Variants in CELF2 observed in about 807,000 individuals in gnomAD.
CELF2 encodes CUG triplet repeat RNA-binding protein 2.
CELF2 carries 8 observed loss-of-function variants against 62.6 expected under a neutral mutation model. The ratio of observed to expected loss-of-function variants is 0.13; its 90% CI spans 0.07 to 0.23. CELF2 has a LOEUF of 0.23. Among genes scored for constraint, CELF2 ranks in the 10% least tolerant of loss-of-function variants. The probability of loss-of-function intolerance (pLI) is 1.00; values close to 1 mark genes in which losing one functional copy is unlikely to be tolerated. For missense variants in CELF2, 333 were observed against 671.0 expected, an observed-to-expected ratio of 0.50 and a Z score of 5.56; for synonymous variants, 258 against 250.0, an observed-to-expected ratio of 1.03 and a Z score of -0.30.
At chr10:11,057,004 C>T (rs2065409830) in intron 1 of CELF2, among the ~76,000 whole-genome samples, 1 of 152,184 alleles carries the variant, frequency 6.6e-6, no homozygotes, top group Admixed American at 6.5e-5. Flanking sequence ...TGTCCAGTCA[C>T]CTGCTCTCAA....
At chr10:10,663,102 G>T in the CELF2 span, among the ~76,000 whole-genome samples, 1 of 152,182 alleles carries the variant, frequency 6.6e-6, no homozygotes, top group Non-Finnish European at 1.5e-5. Context: ...AAGTCCTCAG[G>T]CAGGCTTAGC....
chr10:11,233,273 C>G (rs551299872), intron 3 of CELF2, among the ~76,000 whole-genome samples: 2 of 152,188 alleles, frequency 1.3e-5, no homozygotes, highest in Non-Finnish European at 2.9e-5. Context: ...TTCACACACG[C>G]AGGAGAAACA....
chr10:10,733,334 C>T, the CELF2 span, among the ~76,000 whole-genome samples: 1 of 152,106 alleles, frequency 6.6e-6, no homozygotes, highest in Non-Finnish European at 1.5e-5. Flanking sequence ...TTCAAACTTT[C>T]CCTCTTTCTA....
chr10:10,658,584 A>G, the CELF2 span, among the ~76,000 whole-genome samples: 9 of 152,188 alleles, frequency 5.9e-5, no homozygotes, highest in African/African-American at 2.2e-4. Context: ...GCTAACTTTT[A>G]TAAATGTGTT....
upstream of CELF2, among the ~76,000 whole-genome samples, chr10:11,017,160 A>G (rs900214354): frequency 5.9e-5 from 9 of 152,258 alleles, no homozygotes; most frequent in African/African-American, 2.2e-4. This position sits in a 1 kb window ranked among gnomAD's most constrained non-coding sequence, Gnocchi z 5.5. Context: ...TTAGTAAATC[A>G]GTCACAAATC....
chr10:11,276,218 G>GATC (rs889577890), intron 8 of CELF2, among the ~76,000 whole-genome samples: 1 of 152,000 alleles, frequency 6.6e-6, no homozygotes, highest in Non-Finnish European at 1.5e-5. Flanking sequence ...TGTGGTGTGT[G>GATC]ATCGGCAGCC....
intron 1 of CELF2, among the ~76,000 whole-genome samples, chr10:11,105,994 C>G (rs1361562215): frequency 1.3e-5 from 2 of 152,200 alleles, no homozygotes; most frequent in East Asian, 3.8e-4. Context: ...CAGGTATTCA[C>G]TTGGCTCTTT....
the CELF2 span, among the ~76,000 whole-genome samples, chr10:10,652,886 T>G: frequency 1.1e-4 from 17 of 151,946 alleles, no homozygotes; most frequent in Non-Finnish European, 2.1e-4. Context: ...TAACTTTAAA[T>G]GGATTAAATT....
chr10:11,043,456 G>C (rs1480876889), intron 1 of CELF2, among the ~76,000 whole-genome samples: 1 of 152,192 alleles, frequency 6.6e-6, no homozygotes, highest in Non-Finnish European at 1.5e-5. Flanking sequence ...CAGTCCAGTT[G>C]TGTGTTTCTA....
chr10:11,120,929 G>T (rs765164726), intron 1 of CELF2, among the ~76,000 whole-genome samples: 7 of 152,214 alleles, frequency 4.6e-5, no homozygotes, highest in Non-Finnish European at 1.0e-4. Context: ...AGGTGCAGCA[G>T]CTCAAATCAA....
At chr10:11,213,386 C>T (rs1164150869) in intron 2 of CELF2, among the ~76,000 whole-genome samples, 129 of 152,234 alleles carry the variant, frequency 8.5e-4, no homozygotes, top group Non-Finnish European at 2.4e-4. Flanking sequence ...TTACAGCTGG[C>T]GTGGGGAAAT....
At chr10:11,138,154 G>T (rs1165797165) in intron 1 of CELF2, among the ~76,000 whole-genome samples, 1 of 152,138 alleles carries the variant, frequency 6.6e-6, no homozygotes, top group Non-Finnish European at 1.5e-5. Context: ...AAACTATATG[G>T]AAACAGAATA....
intron 1 of CELF2, among the ~76,000 whole-genome samples, chr10:10,826,924 G>T (rs1012102846): frequency 6.6e-6 from 1 of 152,144 alleles, no homozygotes; most frequent in African/African-American, 2.4e-5. Context: ...AAATGAGGCC[G>T]TGAACTGTGC....
chr10:10,551,501 C>G, the CELF2 span, among the ~76,000 whole-genome samples: 1 of 152,106 alleles, frequency 6.6e-6, no homozygotes, highest in Non-Finnish European at 1.5e-5. Context: ...GACCCCCTCC[C>G]CCCCAGTCTC....
In CELF2 at chr10:11,078,527, C is replaced by G. The variant is rs1471958898; in HGVS notation, c.74+60364C>G. On this transcript the variant is annotated intron_variant, in intron 1 of 12. Transcript: ENST00000633077. ...CATTTCTAGAGTCACTGGTTTCATT[C>G]ATCCAGAACCTTGTTCATTTCCAAA... Among the ~76,000 whole-genome samples, 5 of 152,304 alleles carry G rather than the reference C, an allele frequency of 3.3e-5. No individual in the cohort carries two copies. The East Asian group carries it at 9.6e-4, about 29-fold the overall frequency.
At chr10:10,502,224 T>G in the CELF2 span, among the ~76,000 whole-genome samples, 32 of 151,206 alleles carry the variant, frequency 2.1e-4, no homozygotes, top group East Asian at 6.0e-3. Flanking sequence ...AGTTTTTTTC[T>G]GTCAATATGT....
At chr10:11,230,138 C>T (rs149310762) in intron 3 of CELF2, among the ~76,000 whole-genome samples, 134 of 152,320 alleles carry the variant, frequency 8.8e-4, no homozygotes, top group African/African-American at 3.0e-3. Flanking sequence ...TGCAGCCTTG[C>T]AGGCCCTCCC....
chr10:11,047,649 C>T (rs1188432781), intron 1 of CELF2, among the ~76,000 whole-genome samples: 1 of 151,368 alleles, frequency 6.6e-6, no homozygotes, highest in Non-Finnish European at 1.5e-5. Flanking sequence ...GGCAAAATTT[C>T]AACTCCTTTT....
the CELF2 span, among the ~76,000 whole-genome samples, chr10:10,707,330 G>C: frequency 6.6e-6 from 1 of 152,164 alleles, no homozygotes; most frequent in African/African-American, 2.4e-5. Context: ...CTGGATACCT[G>C]ATGCTCTGAG....
Sources: allele counts gnomAD v4.1 joint callset (sites outside exome capture counted in the v4.1 genomes callset), GRCh38; gene constraint gnomAD v4.1.1; non-coding constraint Gnocchi (gnomAD v3.1); transcripts MANE v1.5; gene names NCBI Gene and HGNC (gene_info 2026-07-23, HGNC 2026-07-21).